Variants in CEP63 observed in about 807,000 individuals in gnomAD.
CEP63 encodes centrosomal protein 63.
CEP63 carries 84 observed loss-of-function variants against 89.1 expected under a neutral mutation model. The observed-to-expected ratio is 0.94, with a 90% confidence interval of 0.79 to 1.13. The LOEUF (loss-of-function observed/expected upper bound fraction) is 1.13, where lower values mean the gene tolerates loss of function less well. CEP63 is among the 50% of genes most tolerant of loss of function. The pLI is 0.00. For synonymous variants in CEP63, 267 were observed against 272.5 expected, an observed-to-expected ratio of 0.98 and a Z score of 0.20; for missense variants, 838 against 813.3, an observed-to-expected ratio of 1.03 and a Z score of -0.37.
chr3:134,604,154 G>A, the CEP63 span: 9 of 1,608,458 alleles, frequency 5.6e-6, no homozygotes, highest in South Asian at 3.3e-5. Context: ...TGGATGATAG[G>A]GTCAGGGTGG....
chr3:134,617,254 A>G, the CEP63 span, among the ~76,000 whole-genome samples: 2 of 152,224 alleles, frequency 1.3e-5, no homozygotes, highest in Non-Finnish European at 2.9e-5. Context: ...GAGGAAAATA[A>G]TCATGTTCTG....
At chr3:134,715,515 G>GATTTTTTTTTT in the CEP63 span, among the ~76,000 whole-genome samples, 1 of 146,364 alleles carries the variant, frequency 6.8e-6, no homozygotes. Flanking sequence ...GCCAGGAAAG[G>GATTTTTTTTTT]TTTTTTTTTT....
the CEP63 span, among the ~76,000 whole-genome samples, chr3:134,660,673 C>T: frequency 2.0e-5 from 3 of 152,128 alleles, no homozygotes; most frequent in African/African-American, 4.8e-5. Flanking sequence ...AAGGAGCTCT[C>T]GATTTAGTGA....
At chr3:134,523,121 G>A (rs1202966759) in intron 3 of CEP63, among the ~76,000 whole-genome samples, 1 of 152,134 alleles carries the variant, frequency 6.6e-6, no homozygotes, top group East Asian at 1.9e-4. Flanking sequence ...GTATTTCATT[G>A]TGGTTTTGAT....
chr3:134,622,723 G>C, the CEP63 span, among the ~76,000 whole-genome samples: 6 of 152,114 alleles, frequency 3.9e-5, no homozygotes, highest in South Asian at 2.1e-4. Context: ...AGCTTTCTTC[G>C]TAGGGGCCCT....
downstream of CEP63, among the ~76,000 whole-genome samples, chr3:134,577,658 G>A (rs1018639304): frequency 6.6e-6 from 1 of 151,652 alleles, no homozygotes; most frequent in Admixed American, 6.6e-5. Context: ...GAATGTGCAG[G>A]TTTGTTACAC....
the CEP63 span, among the ~76,000 whole-genome samples, chr3:134,739,751 A>G: frequency 5.3e-5 from 8 of 149,782 alleles, no homozygotes; most frequent in Non-Finnish European, 8.8e-5. Context: ...TTGATTCATG[A>G]GAATGGTATA....
the CEP63 span, among the ~76,000 whole-genome samples, chr3:134,596,142 C>A: frequency 1.3e-5 from 2 of 152,076 alleles, no homozygotes; most frequent in Non-Finnish European, 2.9e-5. Context: ...AAGCATCAAG[C>A]TTAGGTTATA....
intron 2 of CEP63, among the ~76,000 whole-genome samples, chr3:134,505,927 A>G (rs562604672): frequency 2.6e-5 from 4 of 152,288 alleles, no homozygotes; most frequent in Admixed American, 2.0e-4. Context: ...TACAGAAGCA[A>G]AAGTGTTGAG....
the CEP63 span, among the ~76,000 whole-genome samples, chr3:134,781,772 G>C: frequency 6.6e-6 from 1 of 152,200 alleles, no homozygotes; most frequent in Non-Finnish European, 1.5e-5. Flanking sequence ...CATGATTTTT[G>C]TTTGGTCTAA....
At chr3:134,610,280 C>G in the CEP63 span, 1 of 1,613,978 alleles carries the variant, frequency 6.2e-7, no homozygotes, top group Non-Finnish European at 8.5e-7. Context: ...TCCAGGTACA[C>G]AGCATTCCAG....
In CEP63 at chr3:134,542,273, T is replaced by A. The variant is rs75524468; in HGVS notation, c.556-3313T>A. ...TATGTTGTATTTTTAAAAGCATCCT[T>A]TTCCTGTCACAACTTTTGAAGAAAA... On this transcript the variant is annotated intron_variant, in intron 6 of 14. Transcript: ENST00000675561. Among the ~76,000 whole-genome samples the A allele has an allele frequency of 1.7e-3, 253 of 152,296 alleles. 1 individual carries two copies. Among genetic ancestry groups the A allele is most frequent in the African/African-American group, 5.9e-3 (244 of 41,562 alleles).
downstream of CEP63, among the ~76,000 whole-genome samples, chr3:134,578,337 T>TG (rs757053250): frequency 6.3e-3 from 269 of 42,444 alleles, no homozygotes; most frequent in Middle Eastern, 0.013. Context: ...TTTTTTTTTT[T>TG]TTTTTTTTTT....
At chr3:134,494,673 A>T (rs1939113538) in intron 1 of CEP63, among the ~76,000 whole-genome samples, 1 of 152,142 alleles carries the variant, frequency 6.6e-6, no homozygotes, top group Admixed American at 6.5e-5. Flanking sequence ...ATAGTATGTA[A>T]AAAACTCACT....
At chr3:134,740,967 C>T in the CEP63 span, among the ~76,000 whole-genome samples, 1 of 152,054 alleles carries the variant, frequency 6.6e-6, no homozygotes, top group African/African-American at 2.4e-5. Context: ...AGGTCCTGTG[C>T]TGGTCCCTGT....
chr3:134,690,144 T>C, the CEP63 span, among the ~76,000 whole-genome samples: 1 of 152,222 alleles, frequency 6.6e-6, no homozygotes, highest in South Asian at 2.1e-4. Flanking sequence ...CTTGGATAAT[T>C]AGTATTTATC....
At chr3:134,712,785 A>G in the CEP63 span, among the ~76,000 whole-genome samples, 1 of 151,898 alleles carries the variant, frequency 6.6e-6, no homozygotes, top group Non-Finnish European at 1.5e-5. Flanking sequence ...TTCTGGGGGG[A>G]ACTCAAATTA....
In CEP63 at chr3:134,493,275, C is replaced by T. The variant is rs113170006; in HGVS notation, c.-25-2021C>T. Among the ~76,000 whole-genome samples, 251 of 151,688 alleles carry T rather than the reference C, an allele frequency of 1.7e-3. 1 individual carries two copies. Among genetic ancestry groups the T allele is most frequent in the African/African-American group, 5.9e-3 (242 of 41,320 alleles). ...AACCTTAGAGAATATTGTTCATGCCCCTCATTTTGCAGATGTTAAAACAAG... is the reference window on the plus strand; with the variant it reads ...AACCTTAGAGAATATTGTTCATGCCTCTCATTTTGCAGATGTTAAAACAAG... On this transcript the variant is annotated intron_variant, in intron 1 of 14. Transcript: ENST00000675561.
the CEP63 span, among the ~76,000 whole-genome samples, chr3:134,670,210 A>G: frequency 5.9e-5 from 9 of 152,204 alleles, no homozygotes; most frequent in Non-Finnish European, 1.2e-4. Context: ...ATCAAATATG[A>G]TTTTTGAGGC....
Sources: gnomAD v4.1 joint callset for allele counts (sites outside exome capture counted in the v4.1 genomes callset) on GRCh38, gnomAD v4.1.1 for gene constraint, MANE v1.5 for transcripts, NCBI Gene and HGNC (gene_info 2026-07-23, HGNC 2026-07-21) for gene names.